FEZ1: variants seen among roughly 807,000 people sequenced by gnomAD.
FEZ1 encodes the protein fasciculation and elongation protein zeta 1, also known as fasciculation and elongation protein zeta-1.
A neutral mutation model predicts 49.3 loss-of-function variants in FEZ1; 20 were observed. The ratio of observed to expected loss-of-function variants is 0.41; its 90% CI spans 0.29 to 0.59. The LOEUF (loss-of-function observed/expected upper bound fraction) is 0.59, where lower values mean the gene tolerates loss of function less well. Ranked by LOEUF, FEZ1 falls within the 20% of genes least tolerant of loss-of-function variation. The pLI is 0.36. For synonymous variants in FEZ1, 170 were observed against 180.9 expected, an observed-to-expected ratio of 0.94 and a Z score of 0.48; for missense variants, 413 against 476.0, an observed-to-expected ratio of 0.87 and a Z score of 1.23.
chr11:125,457,429 A>AAAAAATATAT (rs1164500309), intron 5 of FEZ1, among the ~76,000 whole-genome samples: 44 of 20,906 alleles, frequency 2.1e-3, no homozygotes, highest in Non-Finnish European at 2.8e-3. Flanking sequence ...AAAAAAAAAA[A>AAAAAATATAT]ATATATATAT....
intron 6 of FEZ1, 85 bp downstream of exon 6, chr11:125,455,750 A>G (rs1444672493): frequency 7.3e-7 from 1 of 1,371,676 alleles, no homozygotes; most frequent in Non-Finnish European, 1.0e-6. Context: ...AACGTTGATG[A>G]GTCCCCTGCA....
At chr11:125,463,856 C>T (rs542036114) in intron 3 of FEZ1, among the ~76,000 whole-genome samples, 5 of 152,306 alleles carry the variant, frequency 3.3e-5, no homozygotes, top group African/African-American at 9.6e-5. Context: ...GGGACAGCAC[C>T]GTTTTTTAAC....
At chr11:125,462,376 A>C (rs1028802194) in intron 4 of FEZ1, among the ~76,000 whole-genome samples, 2 of 152,232 alleles carry the variant, frequency 1.3e-5, no homozygotes, top group African/African-American at 4.8e-5. Context: ...TTTTTCACAA[A>C]GTCGAAGTGG....
chr11:125,445,057 C>T lies in FEZ1; in HGVS notation c.*1038G>A, dbSNP rs1000581928. 6.6e-6 allele frequency among the ~76,000 whole-genome samples: 1 copy of T among 152,154 alleles called. No homozygotes were observed. Among genetic ancestry groups the T allele is most frequent in the Non-Finnish European group, 1.5e-5 (1 of 68,034 alleles). On this transcript the variant is annotated 3_prime_UTR_variant, in exon 10 of 10. Transcript: ENST00000278919. This position sits in a 1 kb window ranked among gnomAD's most constrained non-coding sequence, Gnocchi z 4.4. Reference sequence around the variant, plus strand: ...GAATTCAGACTGTGGTGAGATCGAGCCAGCATCCGGGATACGAGGAGACCT... The same window carrying T: ...GAATTCAGACTGTGGTGAGATCGAGTCAGCATCCGGGATACGAGGAGACCT...
At chr11:125,456,127 C>G in intron 5 of FEZ1, 21 bp from the exon 6 acceptor site, 2 of 1,556,242 alleles carry the variant, frequency 1.3e-6, no homozygotes, top group South Asian at 2.4e-5. Context: ...AGACCGTCTC[C>G]CGCATAACAC....
intron 4 of FEZ1, among the ~76,000 whole-genome samples, chr11:125,462,319 AT>A (rs775337720): frequency 9.8e-5 from 15 of 152,348 alleles, no homozygotes; most frequent in South Asian, 6.2e-4. Context: ...TAAGTAATAA[AT>A]TATTAAAGCT....
At position 125,443,403 on chromosome 11, in the gene FEZ1, AG is replaced by A. The variant is rs1231445277; in HGVS notation, c.*2691del. ...TTCAGCATTGAAGAGTCAAGGATTC[AG>A]CAACTCTGAAAACCTAGGGCAGAGT... On this transcript the variant is annotated 3_prime_UTR_variant, in exon 10 of 10. Transcript: ENST00000278919. 6.6e-6 allele frequency among the ~76,000 whole-genome samples: 1 copy of A among 152,254 alleles called. No individual in the cohort carries two copies. Among genetic ancestry groups the A allele is most frequent in the Non-Finnish European group, 1.5e-5 (1 of 68,042 alleles).
chr11:125,450,091 G>A (rs944523030), intron 8 of FEZ1, among the ~76,000 whole-genome samples: 3 of 151,100 alleles, frequency 2.0e-5, no homozygotes, highest in African/African-American at 7.3e-5. Flanking sequence ...GCAGTGGTGC[G>A]ATCTCAGCTC....
chr11:125,453,938 A>C, intron 7 of FEZ1, 192 bp downstream of exon 7: 5 of 440,972 alleles, frequency 1.1e-5, no homozygotes, highest in Non-Finnish European at 8.0e-6. Flanking sequence ...CAAAAAAAAA[A>C]AAAAAAAAAA....
chr11:125,469,523 G>C (rs550859514), intron 3 of FEZ1, among the ~76,000 whole-genome samples: 1 of 152,134 alleles, frequency 6.6e-6, no homozygotes, highest in Non-Finnish European at 1.5e-5. Flanking sequence ...GCCTCCTAAA[G>C]TGTTGAGATT....
intron 3 of FEZ1, among the ~76,000 whole-genome samples, chr11:125,466,053 AT>A: frequency 6.6e-6 from 1 of 152,306 alleles, no homozygotes; most frequent in African/African-American, 2.4e-5. Flanking sequence ...AATACTCTTA[AT>A]CCTAGCATAA....
In FEZ1 at chr11:125,493,425, GGAA is replaced by G. The variant is rs1565306992; in HGVS notation, c.-46+2693_-46+2695del. 3.7e-4 allele frequency among the ~76,000 whole-genome samples: 13 copies of G among 35,134 alleles called. 1 individual carries two copies. Among genetic ancestry groups the G allele is most frequent in the African/African-American group, 2.0e-3 (13 of 6,378 alleles). The allele number at this position is 35,134 out of a possible 152,430, so 23.0% of individuals were successfully genotyped here. A position where few individuals can be genotyped will look rare whatever the true frequency, so the allele number is the denominator to read the frequency against. ...AAGAAAGAAAGAAAGAAAGAAAGAAGGAAAGAAGGAAAGAAGGAAAGAAGGAAA... is the reference window on the plus strand; with the variant it reads ...AAGAAAGAAAGAAAGAAAGAAAGAAGAGAAGGAAAGAAGGAAAGAAGGAAA... On this transcript the variant is annotated intron_variant, in intron 1 of 9. Coordinates refer to ENST00000278919, the MANE Select transcript of FEZ1 (RefSeq NM_005103.5).
intron 3 of FEZ1, among the ~76,000 whole-genome samples, chr11:125,473,153 C>T (rs1029094228): frequency 1.3e-5 from 2 of 152,036 alleles, no homozygotes; most frequent in Non-Finnish European, 2.9e-5. Flanking sequence ...TAAAGATAGA[C>T]ACATTTTAAA....
At chr11:125,456,135 C>T (rs1338603113) in intron 5 of FEZ1, 29 bp from the exon 6 acceptor site, 1 of 1,542,282 alleles carries the variant, frequency 6.5e-7, no homozygotes, top group Non-Finnish European at 8.7e-7. Flanking sequence ...TCCCGCATAA[C>T]ACCTGCATCC....
At chr11:125,467,037 T>C (rs77064546) in intron 3 of FEZ1, among the ~76,000 whole-genome samples, 4 of 24,232 alleles carry the variant, frequency 1.7e-4, no homozygotes, top group South Asian at 1.5e-3. Flanking sequence ...CTGTGTCCCA[T>C]TTTTTTTTTT....
At chr11:125,464,022 G>T (rs1176419292) in intron 3 of FEZ1, among the ~76,000 whole-genome samples, 2 of 152,168 alleles carry the variant, frequency 1.3e-5, no homozygotes, top group Non-Finnish European at 2.9e-5. Context: ...GGAATAGGTT[G>T]TTCTAGTCCA....
intron 4 of FEZ1, 63 bp from the exon 5 acceptor site, chr11:125,460,729 A>G: frequency 6.8e-7 from 1 of 1,478,764 alleles, no homozygotes; most frequent in Non-Finnish European, 9.3e-7. Context: ...TCTGGCTTGA[A>G]TTTTGATCAG....
intron 3 of FEZ1, among the ~76,000 whole-genome samples, chr11:125,467,011 A>AT (rs1957136944): frequency 6.7e-6 from 1 of 149,576 alleles, no homozygotes; most frequent in East Asian, 2.0e-4. Context: ...AAAAAAAAAA[A>AT]AGAAATTCAC....
intron 5 of FEZ1, among the ~76,000 whole-genome samples, chr11:125,456,861 T>C (rs1957015378): frequency 6.6e-6 from 1 of 152,218 alleles, no homozygotes; most frequent in Non-Finnish European, 1.5e-5. Context: ...ATTATACTTG[T>C]ATACAGGTCT....
Sources: gnomAD v4.1 joint callset for allele counts (sites outside exome capture counted in the v4.1 genomes callset) on GRCh38, gnomAD v4.1.1 for gene constraint, Gnocchi (gnomAD v3.1) non-coding constraint, MANE v1.5 for transcripts, NCBI Gene and HGNC (gene_info 2026-07-23, HGNC 2026-07-21) for gene names.